The following ADCY10 variants were observed in gnomAD, a reference collection of about 807,000 sequenced individuals.
ADCY10 encodes adenylate cyclase type 10.
In ADCY10, 156 loss-of-function variants were observed where a neutral mutation model predicts 183.3. The ratio of observed to expected loss-of-function variants is 0.85; its 90% confidence interval spans 0.75 to 0.97. The LOEUF (loss-of-function observed/expected upper bound fraction) is 0.97, where lower values mean the gene tolerates loss of function less well. Ranked by LOEUF, ADCY10 falls within the 50% of genes least tolerant of loss-of-function variation. The pLI is 0.00. For missense variants in ADCY10, 1,745 were observed against 1,934.3 expected, an observed-to-expected ratio of 0.90 and a Z score of 1.84; for synonymous variants, 645 against 670.0, an observed-to-expected ratio of 0.96 and a Z score of 0.58.
intron 8 of ADCY10, among the ~76,000 whole-genome samples, chr1:167,883,836 A>C (rs1668037614): frequency 6.6e-6 from 1 of 152,216 alleles, no homozygotes; most frequent in African/African-American, 2.4e-5. Context: ...TGCATGTGCT[A>C]ATTTTTGGCC....
In ADCY10 at chr1:167,817,962, T is replaced by G. The variant is rs189860056; in HGVS notation, c.4482+110A>C. 973 of 1,163,944 alleles carry G rather than the reference T, an allele frequency of 8.4e-4. 3 individuals carry two copies. The highest frequency in any genetic ancestry group is 1.1e-3 in the Non-Finnish European group (872 of 819,420). 72.1% of individuals were successfully genotyped at this position (1,163,944 alleles called of 1,614,324 possible). The stretch of plus-strand genomic sequence containing the variant: ...CTTTGGGGAAGTGCCTTCAAAAACT[T>G]CTATTATAAAAATATATGAATTCTA... On this transcript the variant is annotated intron_variant, in intron 31 of 32. Transcript: ENST00000367851.
rs763357333 is a variant in ADCY10, at chr1:167,824,748, G to A, written c.3858C>T (p.Pro1286=). The A allele has an allele frequency of 5.6e-6, 9 of 1,614,206 alleles. No homozygotes were observed. The East Asian group carries it at 1.8e-4, about 32-fold the overall frequency. The part of the protein sequence containing the change: ...VMAMEHIFNL[P]LKGEGIEIVA... ...CGATTTCAATGCCCTCGCCTTTCAG[G>A]GGGAGGTTGAAGATGTGCTCCATGG... is the stretch of plus-strand genomic sequence containing the variant. The change falls in exon 27 of 33, where the codon CCC becomes CCT. Residue 1286 remains proline, a synonymous_variant. Transcript: ENST00000367851.
intron 6 of ADCY10, among the ~76,000 whole-genome samples, chr1:167,898,382 C>T (rs1332909018): frequency 2.6e-5 from 4 of 151,768 alleles, no homozygotes; most frequent in South Asian, 4.2e-4. Context: ...GGGTGGATCA[C>T]GAAGTCAGGA....
At chr1:167,907,410 C>A (rs1191052632) in intron 1 of ADCY10, among the ~76,000 whole-genome samples, 3 of 152,186 alleles carry the variant, frequency 2.0e-5, no homozygotes, top group Admixed American at 6.5e-5. Flanking sequence ...GTATGGGGTT[C>A]TCCTCTGTTT....
intron 1 of ADCY10, among the ~76,000 whole-genome samples, chr1:167,908,194 A>T (rs1669936834): frequency 6.6e-6 from 1 of 152,230 alleles, no homozygotes; most frequent in African/African-American, 2.4e-5. Flanking sequence ...ACATTGGATA[A>T]TGTATACAAT....
At chr1:167,900,058 G>A (rs1049275272) in intron 5 of ADCY10, among the ~76,000 whole-genome samples, 4 of 152,214 alleles carry the variant, frequency 2.6e-5, no homozygotes, top group Admixed American at 6.5e-5. Flanking sequence ...GGGAAAGGAA[G>A]TATGCATTTG....
chr1:167,834,621 C>T (rs865794713), intron 23 of ADCY10: 13 of 194,044 alleles, frequency 6.7e-5, no homozygotes, highest in Middle Eastern at 9.7e-4. Flanking sequence ...AATCTTAGCA[C>T]GTGTGCACAC....
At chr1:167,901,531 G>A in intron 5 of ADCY10, 131 bp downstream of exon 5, 1 of 947,668 alleles carries the variant, frequency 1.1e-6, no homozygotes, top group Non-Finnish European at 1.7e-6. Flanking sequence ...TGATTGTCCT[G>A]ATGCCAAAGT....
At chr1:167,850,206 G>A (rs564942222) in intron 18 of ADCY10, among the ~76,000 whole-genome samples, 1 of 152,258 alleles carries the variant, frequency 6.6e-6, no homozygotes, top group Non-Finnish European at 1.5e-5. Context: ...AACCAGGCAA[G>A]TGGTTCAGCA....
intron 18 of ADCY10, among the ~76,000 whole-genome samples, chr1:167,848,941 C>A (rs10918783): frequency 0.02 from 3,037 of 152,102 alleles, 97 homozygotes; most frequent in African/African-American, 0.062. Flanking sequence ...TGCACCAGGC[C>A]GCTGGAAACC....
intron 30 of ADCY10, chr1:167,820,395 C>T (rs984753052): frequency 3.5e-5 from 19 of 542,838 alleles, no homozygotes; most frequent in Non-Finnish European, 5.7e-5. Context: ...GGCTCAGCAC[C>T]CCGAGAGCTG....
chr1:167,856,131 T>C (rs1458078980), intron 17 of ADCY10, 34 bp downstream of exon 17: 6 of 1,611,420 alleles, frequency 3.7e-6, no homozygotes, highest in African/African-American at 1.3e-5. Context: ...TGTATGCAGA[T>C]GTCGAGAGTT....
At chr1:167,907,734 T>C (rs993476908) in intron 1 of ADCY10, among the ~76,000 whole-genome samples, 1 of 152,234 alleles carries the variant, frequency 6.6e-6, no homozygotes, top group Non-Finnish European at 1.5e-5. Context: ...TTTCCTATTT[T>C]GGAAGAGTTA....
chr1:167,856,031 A>C (rs1665863823), intron 17 of ADCY10, 134 bp downstream of exon 17: 3 of 1,032,276 alleles, frequency 2.9e-6, no homozygotes, highest in African/African-American at 1.6e-5. Context: ...AGAAAAGAAA[A>C]ATTTTTTAAA....
intron 15 of ADCY10, among the ~76,000 whole-genome samples, 184 bp from the exon 16 acceptor site, chr1:167,860,077 G>A (rs376774591): frequency 6.6e-5 from 10 of 152,212 alleles, no homozygotes; most frequent in African/African-American, 1.4e-4. Flanking sequence ...CATGAACTGC[G>A]GCAGAGGGGA....
At chr1:167,874,900 A>G (rs1423156139) in intron 13 of ADCY10, among the ~76,000 whole-genome samples, 1 of 152,222 alleles carries the variant, frequency 6.6e-6, no homozygotes, top group African/African-American at 2.4e-5. Context: ...TTCCATCTGT[A>G]TCAATTTTTT....
intron 7 of ADCY10, among the ~76,000 whole-genome samples, 186 bp from the exon 8 acceptor site, chr1:167,894,127 G>A (rs1668798177): frequency 1.3e-5 from 2 of 152,192 alleles, no homozygotes; most frequent in African/African-American, 2.4e-5. Context: ...GCTCTTAGAG[G>A]TTAAAGGTTT....
At chr1:167,840,680 A>AT (rs1396599157) in intron 21 of ADCY10, among the ~76,000 whole-genome samples, 3 of 146,964 alleles carry the variant, frequency 2.0e-5, no homozygotes, top group Non-Finnish European at 4.4e-5. Context: ...TTTGATTCTC[A>AT]TTTTTTTCAT....
intron 18 of ADCY10, among the ~76,000 whole-genome samples, chr1:167,853,713 G>A (rs910615055): frequency 1.5e-4 from 23 of 151,542 alleles, no homozygotes; most frequent in Admixed American, 1.2e-3. Flanking sequence ...AACTCACTTC[G>A]TACTAGCAAT....
Sources: allele counts gnomAD v4.1 joint callset (sites outside exome capture counted in the v4.1 genomes callset), GRCh38; gene constraint gnomAD v4.1.1; transcripts MANE v1.5; gene names NCBI Gene and HGNC (gene_info 2026-07-23, HGNC 2026-07-21).